DMD: variants seen among roughly 807,000 people sequenced by gnomAD.
DMD encodes dystrophin, also known as mutant dystrophin.
Under a neutral mutation model 330.1 loss-of-function variants are expected in DMD, and 63 were observed. The ratio of observed to expected loss-of-function variants is 0.19; its 90% CI spans 0.16 to 0.24. The LOEUF (loss-of-function observed/expected upper bound fraction) is 0.24, where lower values mean the gene tolerates loss of function less well. Ranked by LOEUF, DMD falls within the 10% of genes least tolerant of loss-of-function variation. The pLI is 1.00. For synonymous variants in DMD, 1,223 were observed against 959.8 expected, an observed-to-expected ratio of 1.27 and a Z score of -5.07; for missense variants, 3,344 against 2,684.1, an observed-to-expected ratio of 1.25 and a Z score of -5.43.
At chrX:32,499,031 A>T (rs766845273) in intron 19 of DMD, among the ~76,000 whole-genome samples, 17 of 112,217 alleles carry the variant, frequency 1.5e-4, no homozygotes, top group South Asian at 1.5e-3. Flanking sequence ...ATAGACATTT[A>T]GAAACGGACA....
rs752699296 is a variant in DMD at position 32,411,891 on chromosome X, A to G, written c.4094T>C (p.Leu1365Pro). The G allele has an allele frequency of 2.2e-5, 27 of 1,209,230 alleles. No homozygotes were observed. The highest frequency in any genetic ancestry group is 2.9e-5 in the Non-Finnish European group (26 of 894,999). The change falls in exon 30 of 79, where the codon CTT becomes CCT. Residue 1365 changes from leucine to proline, a missense_variant. By Grantham distance (98) the Leu-to-Pro change is moderately conservative (BLOSUM62 -3). Transcript: ENST00000357033. ...HEEAVRRQKLLEQSIQSAQET... is the reference protein window; with the variant it reads ...HEEAVRRQKLPEQSIQSAQET... ...CTGGGCAGACTGGATGCTCTGTTCA[A>G]GCAACTTTTGCCTCCTTACAGCCTA... is the stretch of plus-strand genomic sequence containing the variant.
chrX:32,581,634 A>G (rs1465672182), intron 13 of DMD, among the ~76,000 whole-genome samples: 1 of 112,188 alleles, frequency 8.9e-6, no homozygotes, highest in Non-Finnish European at 1.9e-5. Context: ...TTAAAAATGG[A>G]CATTTTTATG....
intron 11 of DMD, among the ~76,000 whole-genome samples, chrX:32,629,918 CGTCTTTTA>C (rs1048559514): frequency 2.5e-4 from 28 of 110,395 alleles, no homozygotes; most frequent in Non-Finnish European, 4.7e-4. Context: ...TTGATAGGTT[CGTCTTTTA>C]GTCTTTTTAC....
intron 18 of DMD, among the ~76,000 whole-genome samples, chrX:32,510,305 T>A (rs1359708979): frequency 8.9e-6 from 1 of 111,932 alleles, no homozygotes; most frequent in African/African-American, 3.3e-5. Flanking sequence ...TTTTTCCCCA[T>A]GCCTAAAAAG....
At chrX:31,438,243 A>G (rs1026147593) in intron 60 of DMD, among the ~76,000 whole-genome samples, 9 of 111,513 alleles carry the variant, frequency 8.1e-5, no homozygotes, top group African/African-American at 2.6e-4. Flanking sequence ...AACCCTTCAC[A>G]GTGTCTTACA....
At chrX:33,166,919 C>G (rs965124477) in intron 1 of DMD, among the ~76,000 whole-genome samples, 2 of 110,641 alleles carry the variant, frequency 1.8e-5, no homozygotes, top group African/African-American at 6.5e-5. Context: ...GGGATATTAA[C>G]ACATTTAAAA....
At chrX:31,950,195 T>TTTTA (rs1449705360) in intron 45 of DMD, among the ~76,000 whole-genome samples, 4 of 111,766 alleles carry the variant, frequency 3.6e-5, no homozygotes, top group Middle Eastern at 4.6e-3. Flanking sequence ...CATGTTGTGC[T>TTTTA]TTTATTTTTA....
intron 7 of DMD, among the ~76,000 whole-genome samples, chrX:32,740,817 T>A (rs775627051): frequency 6.3e-5 from 7 of 111,443 alleles, no homozygotes; most frequent in Admixed American, 1.9e-4. Context: ...ACTTGCTGGG[T>A]AAAATTTGTT....
intron 2 of DMD, among the ~76,000 whole-genome samples, chrX:32,883,366 C>T (rs1376426742): frequency 1.8e-5 from 2 of 111,421 alleles, no homozygotes; most frequent in Non-Finnish European, 3.8e-5. Flanking sequence ...TATTTGGACA[C>T]TGGTAATTGC....
At chrX:32,932,129 C>A (rs1006262557) in intron 2 of DMD, among the ~76,000 whole-genome samples, 9 of 112,143 alleles carry the variant, frequency 8.0e-5, no homozygotes, top group African/African-American at 2.9e-4. Flanking sequence ...GGGCTATTTC[C>A]GATTTTGGCT....
intron 17 of DMD, among the ~76,000 whole-genome samples, chrX:32,530,058 C>T (rs905850866): frequency 8.9e-6 from 1 of 111,941 alleles, no homozygotes; most frequent in Non-Finnish European, 1.9e-5. Context: ...AAATCAATTT[C>T]TGTGGCGTTT....
intron 67 of DMD, among the ~76,000 whole-genome samples, chrX:31,197,478 T>C (rs1218658362): frequency 1.8e-5 from 2 of 112,442 alleles, no homozygotes; most frequent in African/African-American, 3.2e-5. Flanking sequence ...GTTGAGACTG[T>C]AATTTATTCT....
chrX:31,857,769 A>G (rs2093638864), intron 48 of DMD, among the ~76,000 whole-genome samples: 1 of 110,600 alleles, frequency 9.0e-6, no homozygotes, highest in South Asian at 3.8e-4. Flanking sequence ...TCCTTTTCAA[A>G]ATATATGTCA....
intron 11 of DMD, among the ~76,000 whole-genome samples, chrX:32,617,406 T>C (rs1269838344): frequency 9.0e-6 from 1 of 111,174 alleles, no homozygotes; most frequent in Non-Finnish European, 1.9e-5. Context: ...AGGAATAAAT[T>C]AATGCATTTG....
chrX:33,135,263 GCAC>G (rs755307181), intron 1 of DMD, among the ~76,000 whole-genome samples: 14 of 111,617 alleles, frequency 1.3e-4, no homozygotes, highest in Non-Finnish European at 2.4e-4. Context: ...GTGCTTCCTA[GCAC>G]TGTTCCTGGA....
At chrX:32,826,181 CA>C (rs1040990357) in intron 4 of DMD, among the ~76,000 whole-genome samples, 2 of 111,035 alleles carry the variant, frequency 1.8e-5, no homozygotes, top group African/African-American at 3.3e-5. Flanking sequence ...ATCAAAAAGA[CA>C]AAAGGTAAGT....
intron 62 of DMD, among the ~76,000 whole-genome samples, chrX:31,288,808 T>C (rs1029666231): frequency 1.8e-5 from 2 of 112,001 alleles, no homozygotes; most frequent in African/African-American, 6.5e-5. Context: ...GAGGACAGAT[T>C]CCTACCAAAG....
At chrX:31,353,241 G>T (rs919519600) in intron 60 of DMD, among the ~76,000 whole-genome samples, 1 of 111,022 alleles carries the variant, frequency 9.0e-6, no homozygotes, top group Non-Finnish European at 1.9e-5. Context: ...GTTGAAAGCC[G>T]ATGATGCAAA....
intron 44 of DMD, among the ~76,000 whole-genome samples, chrX:32,135,062 C>T (rs1000252116): frequency 4.5e-5 from 5 of 111,910 alleles, no homozygotes; most frequent in East Asian, 5.6e-4. Flanking sequence ...CTCTTCATTC[C>T]TGAAAGATAT....
Sources: gnomAD v4.1 joint callset for allele counts (sites outside exome capture counted in the v4.1 genomes callset) on GRCh38, gnomAD v4.1.1 for gene constraint, MANE v1.5 for transcripts, NCBI Gene and HGNC (gene_info 2026-07-23, HGNC 2026-07-21) for gene names.